The following LRRFIP1 variants were observed in gnomAD, a reference collection of about 807,000 sequenced individuals.
LRRFIP1 encodes leucine-rich repeat flightless-interacting protein 1.
Under a neutral mutation model 104.4 loss-of-function variants are expected in LRRFIP1, and 62 were observed. The observed-to-expected ratio is 0.59, with a 90% confidence interval of 0.48 to 0.73. The LOEUF (loss-of-function observed/expected upper bound fraction) is 0.73, where lower values mean the gene tolerates loss of function less well. Among genes scored for constraint, LRRFIP1 ranks in the 30% least tolerant of loss-of-function variants. The pLI is 0.00. For missense variants in LRRFIP1, 796 were observed against 824.5 expected (o/e 0.97, Z 0.42); for synonymous variants, 300 against 299.0 (o/e 1.00, Z -0.03).
chr2:237,675,099 C>T (rs1383538693), intron 1 of LRRFIP1, among the ~76,000 whole-genome samples: 2 of 152,228 alleles, frequency 1.3e-5, no homozygotes, highest in East Asian at 1.9e-4. Context: ...GTTTTTCACA[C>T]GCCCAGACAC....
intron 1 of LRRFIP1, among the ~76,000 whole-genome samples, chr2:237,641,355 T>A (rs2083937552): frequency 6.6e-6 from 1 of 151,616 alleles, no homozygotes; most frequent in African/African-American, 2.4e-5. Context: ...CTACTAAAAG[T>A]ACAAAAATTA....
intron 14 of LRRFIP1, among the ~76,000 whole-genome samples, chr2:237,752,938 C>G (rs2082649): frequency 0.043 from 6,508 of 152,250 alleles, 479 homozygotes; most frequent in African/African-American, 0.15. Context: ...AGTGATTCTT[C>G]AGAAATCTGT....
intron 21 of LRRFIP1, 44 bp downstream of exon 21, chr2:237,772,242 C>A: frequency 2.1e-6 from 3 of 1,447,722 alleles, no homozygotes; most frequent in Non-Finnish European, 2.9e-6. Flanking sequence ...TTCACATGTG[C>A]TGTTTTAGTA....
chr2:237,662,874 C>T lies in LRRFIP1; in HGVS notation c.96+35134C>T, dbSNP rs565545632. Among the ~76,000 whole-genome samples, 4 of 152,236 alleles carry T rather than the reference C, an allele frequency of 2.6e-5. No individual in the cohort carries two copies. The East Asian group carries it at 7.8e-4, about 30-fold the overall frequency. On this transcript the variant is annotated intron_variant, in intron 1 of 23. Transcript: ENST00000308482. The stretch of plus-strand genomic sequence containing the variant: ...CAGCGCTATGTCAATTTACCGTTGC[C>T]ATGACGGCACCCAGGCATTACCGCT...
In LRRFIP1 at chr2:237,704,445, C is replaced by T. The variant is rs143725919; in HGVS notation, c.97-4099C>T. Among the ~76,000 whole-genome samples, 342 of 152,300 alleles carry T rather than the reference C, an allele frequency of 2.2e-3. 8 individuals are homozygous for T. In the East Asian group the frequency reaches 0.046, roughly 20 times the overall value. On this transcript the variant is annotated intron_variant, in intron 1 of 23. Transcript: ENST00000308482. ...CTGGGATTACAGGTGTGAACCACCG[C>T]GCCTGGCCAACTCTACGGATTTTCT... is the stretch of plus-strand genomic sequence containing the variant.
chr2:237,715,019 TA>T (rs2094270688), intron 3 of LRRFIP1, among the ~76,000 whole-genome samples: 2 of 152,378 alleles, frequency 1.3e-5, no homozygotes, highest in African/African-American at 4.8e-5. Flanking sequence ...ATTTAGTTTC[TA>T]GACAACAACT....
At chr2:237,753,778 A>T (rs1286877603) in intron 15 of LRRFIP1, among the ~76,000 whole-genome samples, 1 of 144,232 alleles carries the variant, frequency 6.9e-6, no homozygotes, top group African/African-American at 2.6e-5. Context: ...GGCAACAGAG[A>T]AGACACTGTC....
At chr2:237,742,953 C>T (rs2057314137) in intron 11 of LRRFIP1, among the ~76,000 whole-genome samples, 1 of 151,894 alleles carries the variant, frequency 6.6e-6, no homozygotes, top group South Asian at 2.1e-4. Context: ...TCTAGCTGGG[C>T]ACATAAACTT....
In LRRFIP1 at chr2:237,691,801, G is replaced by A. The variant is rs533006749; in HGVS notation, c.97-16743G>A. ...GTGGAGCTGCGGCCGGAGCCTGAGG[G>A]GTCTTTTCCTCCAGGTCCTCTTTCC... On this transcript the variant is annotated intron_variant, in intron 1 of 23. Transcript: ENST00000308482. This position sits in a 1 kb window ranked among gnomAD's most constrained non-coding sequence, Gnocchi z 5.4. 2.0e-5 allele frequency among the ~76,000 whole-genome samples: 3 copies of A among 152,306 alleles called. No homozygotes were observed. Among genetic ancestry groups the A allele is most frequent in the African/African-American group, 7.2e-5 (3 of 41,574 alleles).
chr2:237,645,927 C>G (rs1428832633), intron 1 of LRRFIP1, among the ~76,000 whole-genome samples: 1 of 151,942 alleles, frequency 6.6e-6, no homozygotes, highest in Non-Finnish European at 1.5e-5. Flanking sequence ...GGACTGGTCC[C>G]TAAGCTCTGG....
chr2:237,774,222 T>A, intron 22 of LRRFIP1, 136 bp from the exon 23 acceptor site: 1 of 634,654 alleles, frequency 1.6e-6, no homozygotes, highest in Non-Finnish European at 2.8e-6. Flanking sequence ...CACACCATAG[T>A]CCAAAATGTT....
intron 7 of LRRFIP1, 94 bp from the exon 8 acceptor site, chr2:237,727,782 C>T: frequency 1.2e-6 from 1 of 853,244 alleles, no homozygotes; most frequent in Non-Finnish European, 1.9e-6. Context: ...CAAGAAAGGT[C>T]ACCTTATACC....
At chr2:237,647,433 G>A (rs2085107860) in intron 1 of LRRFIP1, among the ~76,000 whole-genome samples, 1 of 151,984 alleles carries the variant, frequency 6.6e-6, no homozygotes, top group Non-Finnish European at 1.5e-5. Context: ...GAGGGCCTTT[G>A]TACAAAGGAG....
chr2:237,772,585 CT>C, intron 21 of LRRFIP1: 1 of 524,164 alleles, frequency 1.9e-6, no homozygotes, highest in Non-Finnish European at 3.4e-6. Context: ...TCTCTCCGCC[CT>C]TTTCCCTACC....
intron 1 of LRRFIP1, among the ~76,000 whole-genome samples, chr2:237,682,552 G>T (rs2091952930): frequency 6.6e-6 from 1 of 152,132 alleles, no homozygotes; most frequent in Non-Finnish European, 1.5e-5. Flanking sequence ...CTCTTGGATT[G>T]GGCCTTCCCA....
chr2:237,717,417 A>C lies in LRRFIP1; in HGVS notation c.202-345A>C, dbSNP rs950839954. 2.6e-5 allele frequency among the ~76,000 whole-genome samples: 4 copies of C among 152,170 alleles called. No homozygotes were observed. Among genetic ancestry groups the C allele is most frequent in the Admixed American group, 2.0e-4 (3 of 15,290 alleles). On this transcript the variant is annotated intron_variant, in intron 3 of 23. Transcript: ENST00000308482. The surrounding 1 kb of genome is among the most constrained non-coding windows in gnomAD (Gnocchi z 4.2). ...CCTTCATCGCGTTTGCTTTGAAGGC[A>C]TGAGCAGCCTGTTGGAGGGGGCGTG... is the stretch of plus-strand genomic sequence containing the variant.
At chr2:237,748,539 T>C in intron 12 of LRRFIP1, 140 bp downstream of exon 12, 1 of 741,160 alleles carries the variant, frequency 1.3e-6, no homozygotes, top group Non-Finnish European at 2.2e-6. Flanking sequence ...TAACCTGGTA[T>C]CACCTTCCCG....
At chr2:237,773,354 A>G (rs1173035034) in intron 22 of LRRFIP1, among the ~76,000 whole-genome samples, 1 of 152,164 alleles carries the variant, frequency 6.6e-6, no homozygotes, top group Non-Finnish European at 1.5e-5. Flanking sequence ...CCTGGCCAAC[A>G]TAGTGAAACC....
At chr2:237,689,907 TG>T (rs1360333034) in intron 1 of LRRFIP1, among the ~76,000 whole-genome samples, 5 of 152,232 alleles carry the variant, frequency 3.3e-5, no homozygotes, top group African/African-American at 4.8e-5. Flanking sequence ...TTAGAGCCTT[TG>T]GTCCTCACCC....
Sources: allele counts gnomAD v4.1 joint callset (sites outside exome capture counted in the v4.1 genomes callset), GRCh38; gene constraint gnomAD v4.1.1; non-coding constraint Gnocchi (gnomAD v3.1); transcripts MANE v1.5; gene names NCBI Gene and HGNC (gene_info 2026-07-23, HGNC 2026-07-21).